Variants in ABCB5 observed in about 807,000 individuals in gnomAD.
ABCB5 encodes the protein ATP-binding cassette sub-family B member 5.
Under a neutral mutation model 144.2 loss-of-function variants are expected in ABCB5, and 155 were observed. The observed-to-expected ratio is 1.08, with a 90% confidence interval of 0.94 to 1.23. The LOEUF is 1.23. Ranked by LOEUF, ABCB5 falls within the 50% of genes most tolerant of loss-of-function variation. The probability of loss-of-function intolerance (pLI) is 0.00; values close to 1 mark genes in which losing one functional copy is unlikely to be tolerated. For missense variants in ABCB5, 1,830 were observed against 1,520.8 expected (o/e 1.20, Z -3.38); for synonymous variants, 610 against 528.6 (o/e 1.15, Z -2.11).
intron 14 of ABCB5, among the ~76,000 whole-genome samples, chr7:20,665,092 G>A (rs1785129750): frequency 6.6e-6 from 1 of 152,164 alleles, no homozygotes; most frequent in East Asian, 1.9e-4. Flanking sequence ...CCATTATTAT[G>A]TTATTATTTC....
At chr7:20,731,082 C>T (rs9886279) in intron 23 of ABCB5, among the ~76,000 whole-genome samples, 79,656 of 151,644 alleles carry the variant, frequency 0.53, 22,274 homozygotes, top group African/African-American at 0.72. Flanking sequence ...AGGCCAGGCA[C>T]GGTGGCTCAT....
intron 14 of ABCB5, chr7:20,667,221 T>C: frequency 1.1e-6 from 1 of 934,754 alleles, no homozygotes; most frequent in Non-Finnish European, 1.3e-6. Context: ...ATATCTACCT[T>C]AATCAAATAT....
chr7:20,647,160 G>A (rs1784429739), intron 9 of ABCB5: 3 of 378,360 alleles, frequency 7.9e-6, no homozygotes, highest in Admixed American at 6.5e-5. Context: ...TAAAGTTCAA[G>A]GGGTCACCCA....
intron 21 of ABCB5, 27 bp downstream of exon 21, chr7:20,723,246 G>A (rs370509083): frequency 8.2e-5 from 132 of 1,605,748 alleles, no homozygotes; most frequent in Admixed American, 3.7e-4. Flanking sequence ...TATCACCATC[G>A]TAACATTTAA....
intron 27 of ABCB5, among the ~76,000 whole-genome samples, chr7:20,753,842 G>A (rs774504922): frequency 2.4e-4 from 37 of 152,184 alleles, no homozygotes; most frequent in Non-Finnish European, 3.4e-4. Context: ...TTCCAGTGAT[G>A]CCAAACAAAC....
At position 20,685,973 on chromosome 7, in the gene ABCB5, T is replaced by G. The variant is rs1785980091; in HGVS notation, c.2010+137T>G. On this transcript the variant is annotated intron_variant, in intron 16 of 27. Transcript: ENST00000404938. ...CTCACAAAACATGTCTTTCCCAAAT[T>G]TCACTCTAGCATCAGTGTGTCACTC... is the stretch of plus-strand genomic sequence containing the variant. 7.5e-6 allele frequency: 7 copies of G among 937,052 alleles called. No homozygotes were observed. In the South Asian group the frequency reaches 1.7e-4, roughly 23 times the overall value. 58.0% of individuals were successfully genotyped at this position (937,052 alleles called of 1,614,324 possible). A position where few individuals can be genotyped will look rare whatever the true frequency, so the allele number is the denominator to read the frequency against.
At chr7:20,706,385 G>C (rs1786823041) in intron 20 of ABCB5, among the ~76,000 whole-genome samples, 1 of 152,124 alleles carries the variant, frequency 6.6e-6, no homozygotes, top group Non-Finnish European at 1.5e-5. Context: ...TAATATGTGA[G>C]ACATTTCTTT....
intron 14 of ABCB5, among the ~76,000 whole-genome samples, chr7:20,681,010 CTTTCTTTCTTTCTTTCTT>C (rs1785785102): frequency 6.1e-4 from 4 of 6,566 alleles, no homozygotes; most frequent in African/African-American, 2.3e-3. Flanking sequence ...TTCTTTCTTT[CTTTCTTTCTTTCTTTCTT>C]TCTTTCTCTT....
chr7:20,643,524 T>C lies in ABCB5; in HGVS notation c.570T>C (p.Ser190=), dbSNP rs770321564. 20 of 1,614,064 alleles carry C rather than the reference T, an allele frequency of 1.2e-5. No homozygotes were observed. The highest frequency in any genetic ancestry group is 1.6e-5 in the Non-Finnish European group (19 of 1,179,902). ...TTGCTCTGTTGTTTCAAAACATGTC[T>C]ACTTTTTCGATTGGCCTGGCAGTTG... The part of the protein sequence containing the change: ...DKIALLFQNM[S]TFSIGLAVGL... The change falls in exon 7 of 28, where the codon TCT becomes TCC. Residue 190 remains serine (S), a synonymous_variant. Coordinates refer to ENST00000404938, the MANE Select transcript of ABCB5 (RefSeq NM_001163941.2).
At chr7:20,632,793 T>A (rs1335401874) in intron 5 of ABCB5, among the ~76,000 whole-genome samples, 1 of 143,606 alleles carries the variant, frequency 7.0e-6, no homozygotes, top group Non-Finnish European at 1.5e-5. Context: ...TTCTCACTCA[T>A]AGGTGGGAAT....
chr7:20,675,041 G>A (rs1349438612), intron 14 of ABCB5, among the ~76,000 whole-genome samples: 1 of 151,922 alleles, frequency 6.6e-6, no homozygotes, highest in South Asian at 2.1e-4. Context: ...TGAACTGGAA[G>A]ACTTGATATT....
At chr7:20,748,018 A>T (rs1782783641) in intron 26 of ABCB5, among the ~76,000 whole-genome samples, 1 of 152,232 alleles carries the variant, frequency 6.6e-6, no homozygotes, top group African/African-American at 2.4e-5. Context: ...ACCATAGTAC[A>T]GCAAGGATGC....
chr7:20,642,997 T>G (rs1319345263), intron 5 of ABCB5, among the ~76,000 whole-genome samples, 187 bp from the exon 6 acceptor site: 1 of 152,220 alleles, frequency 6.6e-6, no homozygotes, highest in Non-Finnish European at 1.5e-5. Flanking sequence ...AAAGATACAC[T>G]CTATGTTTTA....
At chr7:20,688,561 C>A (rs956681847) in intron 16 of ABCB5, among the ~76,000 whole-genome samples, 1 of 152,120 alleles carries the variant, frequency 6.6e-6, no homozygotes, top group Non-Finnish European at 1.5e-5. Flanking sequence ...GTCAGTGTGG[C>A]GATTCCTCAA....
chr7:20,716,266 G>T (rs1229181114), intron 20 of ABCB5, among the ~76,000 whole-genome samples: 1 of 151,764 alleles, frequency 6.6e-6, no homozygotes, highest in Non-Finnish European at 1.5e-5. Context: ...ATGTATCAAG[G>T]TCTACAAAAC....
At chr7:20,683,004 C>G (rs1273783840) in intron 15 of ABCB5, among the ~76,000 whole-genome samples, 2 of 152,142 alleles carry the variant, frequency 1.3e-5, no homozygotes, top group Admixed American at 1.3e-4. Context: ...GGAAGGCATC[C>G]TTTTTTCGAA....
At chr7:20,649,970 C>T (rs1784528427) in intron 11 of ABCB5, 52 bp from the exon 12 acceptor site, 1 of 1,545,520 alleles carries the variant, frequency 6.5e-7, no homozygotes, top group Admixed American at 2.0e-5. Context: ...GAAAATGTGT[C>T]CATCATCTTC....
intron 14 of ABCB5, among the ~76,000 whole-genome samples, chr7:20,670,240 T>C (rs62456151): frequency 0.6 from 90,928 of 151,858 alleles, 28,638 homozygotes; most frequent in East Asian, 0.75. Context: ...ATATGGAGTT[T>C]AGATAATGAT....
chr7:20,698,695 TA>T (rs1786507790), intron 17 of ABCB5, 145 bp downstream of exon 17: 9 of 682,108 alleles, frequency 1.3e-5, no homozygotes, highest in Non-Finnish European at 2.0e-5. Context: ...ATAGGAAGGT[TA>T]ATTAATGTTC....
Sources: gnomAD v4.1 joint callset for allele counts (sites outside exome capture counted in the v4.1 genomes callset) on GRCh38, gnomAD v4.1.1 for gene constraint, MANE v1.5 for transcripts, NCBI Gene and HGNC (gene_info 2026-07-23, HGNC 2026-07-21) for gene names.